NDFIP1: variants seen among roughly 807,000 people sequenced by gnomAD.
NDFIP1 encodes NEDD4 family-interacting protein 1.
A neutral mutation model predicts 28.8 loss-of-function variants in NDFIP1; 7 were observed. That is an observed-to-expected ratio of 0.24 (90% CI 0.14 to 0.46). NDFIP1 has a LOEUF of 0.46. NDFIP1 is among the 20% of genes least tolerant of loss of function. The pLI is 0.99. For missense variants in NDFIP1, 194 were observed against 269.1 expected (o/e 0.72, Z 1.95); for synonymous variants, 92 against 101.0 (o/e 0.91, Z 0.53).
chr5:142,145,246 G>A (rs1757375355), intron 7 of NDFIP1, among the ~76,000 whole-genome samples: 4 of 152,212 alleles, frequency 2.6e-5, no homozygotes, highest in Admixed American at 2.6e-4. Context: ...CTCAAGAAAA[G>A]AGGAGAAAGG....
intron 2 of NDFIP1, 62 bp downstream of exon 2, chr5:142,131,957 G>GT: frequency 7.4e-7 from 1 of 1,349,682 alleles, no homozygotes; most frequent in Non-Finnish European, 1.0e-6. Flanking sequence ...TGACATTACA[G>GT]TTTAAAAAAA....
chr5:142,132,151 G>C, intron 2 of NDFIP1, 61 bp from the exon 3 acceptor site: 1 of 1,580,992 alleles, frequency 6.3e-7, no homozygotes, highest in Non-Finnish European at 8.6e-7. Flanking sequence ...AGAGTTAGTG[G>C]AACTCCTTTT....
At chr5:142,112,170 G>A (rs1364531983) in intron 1 of NDFIP1, among the ~76,000 whole-genome samples, 4 of 152,078 alleles carry the variant, frequency 2.6e-5, no homozygotes, top group African/African-American at 7.2e-5. Context: ...CAAAGATCAC[G>A]AGGTCAAGAG....
chr5:142,136,334 A>T (rs574372321), intron 4 of NDFIP1, among the ~76,000 whole-genome samples: 38 of 152,356 alleles, frequency 2.5e-4, no homozygotes, highest in African/African-American at 9.1e-4. Context: ...GTGATGTTAT[A>T]TAAGTTGTCA....
At chr5:142,112,530 C>G (rs2126908970) in intron 1 of NDFIP1, among the ~76,000 whole-genome samples, 1 of 115,714 alleles carries the variant, frequency 8.6e-6, no homozygotes, top group South Asian at 3.0e-4. Flanking sequence ...GCAAGACTGT[C>G]TTAAAAAAAA....
intron 7 of NDFIP1, among the ~76,000 whole-genome samples, chr5:142,145,759 G>A (rs1757382428): frequency 6.6e-6 from 1 of 152,168 alleles, no homozygotes. Context: ...GATACCTTGA[G>A]CACCAAGCCC....
intron 1 of NDFIP1, among the ~76,000 whole-genome samples, chr5:142,130,692 T>C (rs900484041): frequency 9.0e-4 from 74 of 82,578 alleles, no homozygotes; most frequent in African/African-American, 4.4e-3. Flanking sequence ...AGATCCTGTC[T>C]CTCCAAAAAA....
chr5:142,137,898 C>A (rs1483629452), intron 5 of NDFIP1, 40 bp downstream of exon 5: 16 of 1,554,598 alleles, frequency 1.0e-5, no homozygotes, highest in Non-Finnish European at 1.3e-5. Flanking sequence ...TACAGAGAGG[C>A]AATAATCAGA....
intron 6 of NDFIP1, among the ~76,000 whole-genome samples, chr5:142,141,031 T>C (rs984612145): frequency 6.6e-6 from 1 of 152,190 alleles, no homozygotes; most frequent in African/African-American, 2.4e-5. Context: ...GGCCCATCTT[T>C]GGTGGGTCTG....
intron 4 of NDFIP1, among the ~76,000 whole-genome samples, chr5:142,137,060 G>A (rs1184666591): frequency 8.6e-6 from 1 of 116,752 alleles, no homozygotes; most frequent in Non-Finnish European, 1.7e-5. Flanking sequence ...GACAGAGTGA[G>A]ACTCAGTCTC....
chr5:142,141,421 C>G (rs112324272), intron 6 of NDFIP1, among the ~76,000 whole-genome samples: 24,549 of 151,746 alleles, frequency 0.16, 2,876 homozygotes, highest in African/African-American at 0.33. Context: ...TGTGATCCGC[C>G]CGCCTCGGCC....
At chr5:142,124,502 C>T (rs911331937) in intron 1 of NDFIP1, among the ~76,000 whole-genome samples, 2 of 152,106 alleles carry the variant, frequency 1.3e-5, no homozygotes, top group Admixed American at 6.5e-5. Flanking sequence ...AAGGTGTACT[C>T]ATCAGTTATA....
chr5:142,130,382 A>G (rs889022105), intron 1 of NDFIP1, among the ~76,000 whole-genome samples: 1 of 152,222 alleles, frequency 6.6e-6, no homozygotes, highest in Admixed American at 6.5e-5. Context: ...CTATTGACAG[A>G]TATATGTAGA....
chr5:142,145,955 A>T (rs562419213), intron 7 of NDFIP1, among the ~76,000 whole-genome samples: 5 of 152,310 alleles, frequency 3.3e-5, no homozygotes, highest in Admixed American at 1.3e-4. Context: ...TGCTTCAAGA[A>T]AATAAAGCAT....
rs1261233911 is a variant in NDFIP1, at chr5:142,152,608, G to T, written c.*880G>T. On this transcript the variant is annotated 3_prime_UTR_variant, in exon 8 of 8. Coordinates refer to ENST00000253814, the MANE Select transcript of NDFIP1 (RefSeq NM_030571.4). ...AAGAAAGAAGTAGCTTGGAACTTTT[G>T]AGATGATCCCTAACATACTGTACTA... The T allele has an allele frequency of 6.9e-6, 1 of 145,156 alleles. No individual in the cohort carries two copies. Among genetic ancestry groups the T allele is most frequent in the Admixed American group, 7.4e-5 (1 of 13,440 alleles). The allele number at this position is 145,156 out of a possible 1,614,324, so 9.0% of individuals were successfully genotyped here.
intron 1 of NDFIP1, among the ~76,000 whole-genome samples, chr5:142,129,888 G>C (rs181111220): frequency 7.0e-4 from 94 of 133,956 alleles, no homozygotes; most frequent in African/African-American, 2.7e-3. Flanking sequence ...TCCAGCCTGG[G>C]CAACAAAAGC....
chr5:142,115,789 G>A (rs183121297), intron 1 of NDFIP1, among the ~76,000 whole-genome samples: 2 of 152,082 alleles, frequency 1.3e-5, no homozygotes, highest in Non-Finnish European at 2.9e-5. Flanking sequence ...CTAGGTGGGG[G>A]TATGAGTTAG....
At chr5:142,145,025 C>T (rs1335615606) in intron 7 of NDFIP1, among the ~76,000 whole-genome samples, 1 of 152,182 alleles carries the variant, frequency 6.6e-6, no homozygotes, top group African/African-American at 2.4e-5. Flanking sequence ...CAGAGGATGA[C>T]ATTCAGAAGG....
chr5:142,137,620 G>A (rs1757289724), intron 4 of NDFIP1, 114 bp from the exon 5 acceptor site: 1 of 1,235,566 alleles, frequency 8.1e-7, no homozygotes. Flanking sequence ...GGTTGTGGAG[G>A]ACAGGCTGTC....
Sources: gnomAD v4.1 joint callset for allele counts (sites outside exome capture counted in the v4.1 genomes callset) on GRCh38, gnomAD v4.1.1 for gene constraint, MANE v1.5 for transcripts, NCBI Gene and HGNC (gene_info 2026-07-23, HGNC 2026-07-21) for gene names.